Variants in GRID2 observed in about 807,000 individuals in gnomAD.
The protein encoded by GRID2 is glutamate ionotropic receptor delta type subunit 2.
In GRID2, 33 loss-of-function variants were observed where a neutral mutation model predicts 114.8. The ratio of observed to expected loss-of-function variants is 0.29; its 90% CI spans 0.22 to 0.38. The LOEUF (loss-of-function observed/expected upper bound fraction) is 0.38. Among genes scored for constraint, GRID2 ranks in the 10% least tolerant of loss-of-function variants. The probability of loss-of-function intolerance (pLI) is 1.00; values close to 1 mark genes in which losing one functional copy is unlikely to be tolerated. For synonymous variants in GRID2, 505 were observed against 449.9 expected (o/e 1.12, Z -1.55); for missense variants, 1,184 against 1,257.7 (o/e 0.94, Z 0.89).
At chr4:93,694,157 C>T (rs1726809008) in intron 14 of GRID2, among the ~76,000 whole-genome samples, 1 of 152,120 alleles carries the variant, frequency 6.6e-6, no homozygotes, top group African/African-American at 2.4e-5. Context: ...CTACACGTTT[C>T]TCATCTTCAT....
intron 2 of GRID2, among the ~76,000 whole-genome samples, chr4:92,626,034 G>A (rs1730505208): frequency 6.6e-6 from 1 of 151,788 alleles, no homozygotes; most frequent in Non-Finnish European, 1.5e-5. Context: ...ATTTTCACTT[G>A]CTACAAAATA....
chr4:92,571,419 C>A (rs1027288894), intron 1 of GRID2, among the ~76,000 whole-genome samples: 17 of 152,050 alleles, frequency 1.1e-4, no homozygotes, highest in Admixed American at 2.0e-4. Context: ...CTTAGACTCC[C>A]ACACAATAAT....
At chr4:93,102,393 A>G (rs961506233) in intron 3 of GRID2, among the ~76,000 whole-genome samples, 4 of 152,206 alleles carry the variant, frequency 2.6e-5, no homozygotes, top group Admixed American at 6.6e-5. Flanking sequence ...GACTAAATCC[A>G]GTATGCTAGG....
intron 2 of GRID2, among the ~76,000 whole-genome samples, chr4:92,989,182 C>T (rs1335057554): frequency 7.0e-6 from 1 of 143,350 alleles, no homozygotes; most frequent in African/African-American, 2.6e-5. Context: ...GAGGCTGAGG[C>T]AGAAGAATGG....
intron 2 of GRID2, among the ~76,000 whole-genome samples, chr4:92,776,187 A>G (rs776921670): frequency 2.0e-5 from 3 of 152,160 alleles, no homozygotes; most frequent in Non-Finnish European, 2.9e-5. Context: ...CATGTTTGAT[A>G]TAAATATACT....
intron 2 of GRID2, among the ~76,000 whole-genome samples, chr4:92,848,974 A>G (rs1195380350): frequency 1.3e-5 from 2 of 151,950 alleles, no homozygotes; most frequent in East Asian, 1.9e-4. Context: ...TTTAGCCTCC[A>G]AACTGTGGGA....
chr4:93,705,584 T>C (rs1727925351), intron 14 of GRID2, among the ~76,000 whole-genome samples: 1 of 152,192 alleles, frequency 6.6e-6, no homozygotes, highest in Admixed American at 6.5e-5. Flanking sequence ...TGGTTATTAA[T>C]CCCTTGTCAG....
At chr4:93,171,941 A>G (rs1738866706) in intron 4 of GRID2, among the ~76,000 whole-genome samples, 1 of 152,188 alleles carries the variant, frequency 6.6e-6, no homozygotes, top group African/African-American at 2.4e-5. Flanking sequence ...ATATAGCTCT[A>G]AAGCCAACTT....
At chr4:93,696,598 C>T (rs547776053) in intron 14 of GRID2, among the ~76,000 whole-genome samples, 1 of 152,166 alleles carries the variant, frequency 6.6e-6, no homozygotes, top group Non-Finnish European at 1.5e-5. Context: ...TACATGTGCA[C>T]AACCTGCAGG....
At chr4:92,954,375 G>C (rs980050127) in intron 2 of GRID2, among the ~76,000 whole-genome samples, 40 of 152,096 alleles carry the variant, frequency 2.6e-4, no homozygotes, top group African/African-American at 9.6e-4. Context: ...AGGTAGACTG[G>C]GGGATCTTGG....
At chr4:92,563,037 A>G (rs2149183900) in intron 1 of GRID2, among the ~76,000 whole-genome samples, 1 of 152,246 alleles carries the variant, frequency 6.6e-6, no homozygotes. Flanking sequence ...TGCATATTTG[A>G]TAGAATCTTC....
chr4:92,782,037 A>G (rs1248670744), intron 2 of GRID2, among the ~76,000 whole-genome samples: 1 of 152,068 alleles, frequency 6.6e-6, no homozygotes, highest in Admixed American at 6.6e-5. Context: ...TGGAGGCTTC[A>G]TAAGAGTTTT....
intron 2 of GRID2, among the ~76,000 whole-genome samples, chr4:92,596,640 A>T (rs1396798186): frequency 6.6e-6 from 1 of 151,968 alleles, no homozygotes; most frequent in Non-Finnish European, 1.5e-5. Context: ...TCATCAATGT[A>T]GTATTAAAGG....
chr4:93,111,396 C>A (rs1384833979), intron 4 of GRID2, among the ~76,000 whole-genome samples: 2 of 152,272 alleles, frequency 1.3e-5, no homozygotes, highest in East Asian at 1.9e-4. Flanking sequence ...AGATTTATAT[C>A]TTCTCTGTGA....
At chr4:93,444,576 A>G (rs950489803) in intron 10 of GRID2, among the ~76,000 whole-genome samples, 6 of 152,064 alleles carry the variant, frequency 3.9e-5, no homozygotes, top group Non-Finnish European at 8.8e-5. Flanking sequence ...TCTATTAATT[A>G]TAATAGGTAA....
intron 4 of GRID2, among the ~76,000 whole-genome samples, chr4:93,184,892 CA>C (rs969851449): frequency 1.4e-3 from 207 of 151,848 alleles, no homozygotes; most frequent in Non-Finnish European, 2.5e-3. Context: ...AAAAAAAACA[CA>C]AAAAACAAAA....
rs149595920 is a variant in GRID2 at position 93,464,566 on chromosome 4, G to C, written c.1858+8592G>C. 3.5e-3 allele frequency among the ~76,000 whole-genome samples: 536 copies of C among 152,232 alleles called. 6 individuals carry two copies. Among genetic ancestry groups the C allele is most frequent in the Middle Eastern group, 0.017 (5 of 294 alleles). On this transcript the variant is annotated intron_variant, in intron 11 of 15. Coordinates refer to ENST00000282020, the MANE Select transcript of GRID2 (RefSeq NM_001510.4). Reference sequence around the variant, plus strand: ...CTTGAAAGTGGTACAAGCTTTACTTGATTGTTTTTCACATTTATAAGGCAG... The same window carrying C: ...CTTGAAAGTGGTACAAGCTTTACTTCATTGTTTTTCACATTTATAAGGCAG...
chr4:93,431,651 T>C (rs1349351976), intron 10 of GRID2, among the ~76,000 whole-genome samples: 1 of 152,120 alleles, frequency 6.6e-6, no homozygotes, highest in Non-Finnish European at 1.5e-5. Context: ...GACATGCATA[T>C]GTATTATTTT....
intron 14 of GRID2, among the ~76,000 whole-genome samples, chr4:93,724,211 T>A (rs1271582398): frequency 6.6e-6 from 1 of 152,198 alleles, no homozygotes; most frequent in African/African-American, 2.4e-5. Context: ...CCCACCATGC[T>A]ATTTCCAGGG....
Sources: gnomAD v4.1 joint callset for allele counts (sites outside exome capture counted in the v4.1 genomes callset) on GRCh38, gnomAD v4.1.1 for gene constraint, MANE v1.5 for transcripts, NCBI Gene and HGNC (gene_info 2026-07-23, HGNC 2026-07-21) for gene names.